The following TTC28 variants were observed in gnomAD, a reference collection of about 807,000 sequenced individuals.
TTC28 encodes tetratricopeptide repeat domain 28, also known as tetratricopeptide repeat protein 28.
TTC28 carries 61 observed loss-of-function variants against 198.0 expected under a neutral mutation model. That is an observed-to-expected ratio of 0.31 (90% confidence interval 0.25 to 0.38). The LOEUF (loss-of-function observed/expected upper bound fraction) is 0.38. Among genes scored for constraint, TTC28 ranks in the 10% least tolerant of loss-of-function variants. The probability of loss-of-function intolerance (pLI) is 1.00; values close to 1 mark genes in which losing one functional copy is unlikely to be tolerated. For synonymous variants in TTC28, 1,171 were observed against 1,297.8 expected (o/e 0.90, Z 2.10); for missense variants, 2,678 against 3,164.0 (o/e 0.85, Z 3.69).
At chr22:28,644,416 T>C (rs939657594) in intron 1 of TTC28, among the ~76,000 whole-genome samples, 3 of 108,400 alleles carry the variant, frequency 2.8e-5, no homozygotes, top group Non-Finnish European at 3.9e-5. Flanking sequence ...AAAAAAAAAA[T>C]ACAGAACTCT....
At chr22:28,274,306 T>C (rs1219330392) in intron 5 of TTC28, among the ~76,000 whole-genome samples, 2 of 152,238 alleles carry the variant, frequency 1.3e-5, no homozygotes, top group Non-Finnish European at 2.9e-5. Context: ...AAAGTTTATT[T>C]AGACACATAT....
intron 6 of TTC28, among the ~76,000 whole-genome samples, chr22:28,116,940 TATTCAC>T (rs1402653485): frequency 6.6e-6 from 1 of 152,218 alleles, no homozygotes; most frequent in East Asian, 1.9e-4. Context: ...GTGAGTATCC[TATTCAC>T]TTGGCTTGGA....
chr22:28,166,736 G>C (rs1922010215), intron 5 of TTC28, among the ~76,000 whole-genome samples: 1 of 152,154 alleles, frequency 6.6e-6, no homozygotes, highest in African/African-American at 2.4e-5. Context: ...ATCTAAAATT[G>C]ATACCCTAAC....
At chr22:28,462,584 GACA>G (rs1355460631) in intron 2 of TTC28, among the ~76,000 whole-genome samples, 1 of 152,076 alleles carries the variant, frequency 6.6e-6, no homozygotes, top group East Asian at 1.9e-4. Context: ...TAATAATAAT[GACA>G]ACAACTGCAA....
chr22:28,572,202 G>A (rs532977101), intron 2 of TTC28, among the ~76,000 whole-genome samples: 2 of 151,406 alleles, frequency 1.3e-5, no homozygotes, highest in African/African-American at 4.8e-5. Context: ...AAATAGCCAG[G>A]CATGGTGGTG....
At chr22:28,100,079 C>G (rs959878716) in intron 9 of TTC28, among the ~76,000 whole-genome samples, 5 of 152,130 alleles carry the variant, frequency 3.3e-5, no homozygotes, top group Non-Finnish European at 5.9e-5. Context: ...TTTTTTCCCC[C>G]TCATGCCACA....
chr22:28,097,499 G>C (rs1232537973), intron 10 of TTC28, among the ~76,000 whole-genome samples: 1 of 152,126 alleles, frequency 6.6e-6, no homozygotes, highest in South Asian at 2.1e-4. Context: ...TCTTTTAATC[G>C]AATTTTGAAT....
chr22:28,494,591 T>C (rs1436310258), intron 2 of TTC28, among the ~76,000 whole-genome samples: 1 of 152,192 alleles, frequency 6.6e-6, no homozygotes, highest in Non-Finnish European at 1.5e-5. Flanking sequence ...GTTCATCCTA[T>C]AAAAGCCTTC....
rs144256485 is a variant in TTC28 at position 28,224,675 on chromosome 22, G to C, written c.934-61076C>G. Among the ~76,000 whole-genome samples the C allele has an allele frequency of 6.2e-4, 94 of 152,254 alleles. No individual in the cohort carries two copies. The East Asian group carries it at 0.013, about 20-fold the overall frequency. On this transcript the variant is annotated intron_variant, in intron 5 of 22. Coordinates refer to ENST00000397906, the MANE Select transcript of TTC28 (RefSeq NM_001145418.2). ...TTTCTGAGCTAAATGGGCTGGTGGA[G>C]GGGGTCATGGGGGCAGGGAGATGGC...
At chr22:28,362,793 T>C (rs1312739696) in intron 2 of TTC28, among the ~76,000 whole-genome samples, 3 of 152,112 alleles carry the variant, frequency 2.0e-5, no homozygotes, top group Non-Finnish European at 4.4e-5. Context: ...GCCCTAGAGA[T>C]TTGTGGAACT....
intron 2 of TTC28, among the ~76,000 whole-genome samples, chr22:28,545,066 C>T (rs1297128182): frequency 6.6e-6 from 1 of 152,162 alleles, no homozygotes; most frequent in Non-Finnish European, 1.5e-5. Context: ...ATCTCAAATT[C>T]TTTCTTGTGC....
At chr22:28,040,607 C>T (rs954802110) in intron 12 of TTC28, among the ~76,000 whole-genome samples, 28 of 152,048 alleles carry the variant, frequency 1.8e-4, no homozygotes, top group African/African-American at 6.8e-4. Context: ...GAGCTATTTA[C>T]CACAAACCCA....
intron 2 of TTC28, among the ~76,000 whole-genome samples, chr22:28,482,928 A>T (rs2048272008): frequency 6.6e-6 from 1 of 152,004 alleles, no homozygotes; most frequent in Admixed American, 6.5e-5. Context: ...ATGGCTGAAA[A>T]TTTTTCATTA....
At chr22:28,336,855 T>C (rs1453938585) in intron 2 of TTC28, among the ~76,000 whole-genome samples, 1 of 152,192 alleles carries the variant, frequency 6.6e-6, no homozygotes, top group African/African-American at 2.4e-5. Flanking sequence ...TCTGCTCTGA[T>C]TTTAGTTATT....
At chr22:28,501,153 C>G (rs912718147) in intron 2 of TTC28, among the ~76,000 whole-genome samples, 2 of 152,064 alleles carry the variant, frequency 1.3e-5, no homozygotes, top group African/African-American at 4.8e-5. Flanking sequence ...AAAAAAGGAG[C>G]AAAATGTAAC....
At chr22:28,341,482 T>G (rs2045828105) in intron 2 of TTC28, among the ~76,000 whole-genome samples, 1 of 152,040 alleles carries the variant, frequency 6.6e-6, no homozygotes. Context: ...TGAGATCTCA[T>G]CTTAACAAAA....
At chr22:28,148,595 A>G (rs1943531431) in intron 6 of TTC28, among the ~76,000 whole-genome samples, 1 of 151,388 alleles carries the variant, frequency 6.6e-6, no homozygotes, top group African/African-American at 2.4e-5. Context: ...CCTGGGCGAC[A>G]GAATGAGACT....
Position 28,619,892 on chromosome 22 carries a change from C to T in TTC28, c.381+9660G>A, listed in dbSNP as rs1040346980. On this transcript the variant is annotated intron_variant, in intron 2 of 22. Coordinates refer to ENST00000397906, the MANE Select transcript of TTC28 (RefSeq NM_001145418.2). Reference sequence around the variant, plus strand: ...TTACAAAGAAATTATGGGGACCATGCGCAAAGAAATCAACAGTTTACAAAT... The same window carrying T: ...TTACAAAGAAATTATGGGGACCATGTGCAAAGAAATCAACAGTTTACAAAT... 5.3e-5 allele frequency among the ~76,000 whole-genome samples: 8 copies of T among 152,154 alleles called. No individual in the cohort carries two copies. The South Asian group carries it at 8.3e-4, about 16-fold the overall frequency.
At chr22:28,408,167 A>T (rs1279801604) in intron 2 of TTC28, among the ~76,000 whole-genome samples, 1 of 152,190 alleles carries the variant, frequency 6.6e-6, no homozygotes, top group African/African-American at 2.4e-5. Flanking sequence ...CTGAAAAAAA[A>T]ACAATAAATA....
Sources: allele counts gnomAD v4.1 joint callset (sites outside exome capture counted in the v4.1 genomes callset), GRCh38; gene constraint gnomAD v4.1.1; transcripts MANE v1.5; gene names NCBI Gene and HGNC (gene_info 2026-07-23, HGNC 2026-07-21).